USP15: variants seen among roughly 807,000 people sequenced by gnomAD.
The protein encoded by USP15 is ubiquitin specific peptidase 15.
USP15 carries 18 observed loss-of-function variants against 127.1 expected under a neutral mutation model. That is an observed-to-expected ratio of 0.14 (90% confidence interval 0.10 to 0.21). The LOEUF (loss-of-function observed/expected upper bound fraction) is 0.21, where lower values mean the gene tolerates loss of function less well. Ranked by LOEUF, USP15 falls within the 10% of genes least tolerant of loss-of-function variation. The pLI, the probability that USP15 is intolerant of heterozygous loss-of-function variation, is 1.00. For missense variants in USP15, 805 were observed against 1,159.9 expected (o/e 0.69, Z 4.44); for synonymous variants, 364 against 393.7 (o/e 0.92, Z 0.89).
In USP15 at chr12:62,260,863, G is replaced by C. The variant is rs78868069; in HGVS notation, c.89+360G>C. Among the ~76,000 whole-genome samples, 129 of 152,232 alleles carry C rather than the reference G, an allele frequency of 8.5e-4. 2 individuals are homozygous for C. In the East Asian group the frequency reaches 8.9e-3, roughly 10 times the overall value. The stretch of plus-strand genomic sequence containing the variant: ...GAGTCTTATATACGCCGTTTTGACA[G>C]GTCCCGGTGCCGCGGCTTATCACGA... On this transcript the variant is annotated intron_variant, in intron 1 of 21. Coordinates refer to ENST00000280377, the MANE Select transcript of USP15 (RefSeq NM_001252078.2).
At chr12:62,362,436 C>A (rs2066348480) in intron 8 of USP15, among the ~76,000 whole-genome samples, 1 of 152,126 alleles carries the variant, frequency 6.6e-6, no homozygotes, top group African/African-American at 2.4e-5. Context: ...GATATACACA[C>A]TTACTCATTC....
At chr12:62,304,661 C>G (rs369591329) in intron 3 of USP15, 4 of 444,230 alleles carry the variant, frequency 9.0e-6, no homozygotes, top group East Asian at 7.0e-5. Flanking sequence ...CTCTAAAATG[C>G]GTCATTTATA....
At chr12:62,263,390 G>A (rs1221899510) in intron 1 of USP15, among the ~76,000 whole-genome samples, 2 of 152,134 alleles carry the variant, frequency 1.3e-5, no homozygotes, top group Non-Finnish European at 2.9e-5. Context: ...TCATTTACTA[G>A]CTTTTGAGCA....
intron 8 of USP15, among the ~76,000 whole-genome samples, chr12:62,372,056 T>TA (rs1022582093): frequency 1.1e-4 from 16 of 152,118 alleles, no homozygotes; most frequent in Admixed American, 2.0e-4. Context: ...TTCGGTATTT[T>TA]AAAAAAAATT....
At chr12:62,398,004 T>C (rs1396864233) in intron 20 of USP15, among the ~76,000 whole-genome samples, 2 of 151,760 alleles carry the variant, frequency 1.3e-5, no homozygotes, top group African/African-American at 4.8e-5. Context: ...CTATACGTTT[T>C]TTTTTTGAGA....
chr12:62,385,413 AAGAC>A (rs1208768607), intron 11 of USP15, among the ~76,000 whole-genome samples: 1 of 152,118 alleles, frequency 6.6e-6, no homozygotes, highest in East Asian at 1.9e-4. Flanking sequence ...ATTGTCAACA[AAGAC>A]AGGGTATATG....
intron 1 of USP15, chr12:62,278,790 A>G (rs1565811716): frequency 6.6e-6 from 1 of 152,204 alleles, no homozygotes; most frequent in Non-Finnish European, 1.5e-5. Context: ...AAACATGCTT[A>G]GAACACTTAA....
intron 6 of USP15, among the ~76,000 whole-genome samples, chr12:62,346,593 AC>A (rs1377634611): frequency 3.9e-5 from 6 of 151,946 alleles, no homozygotes; most frequent in African/African-American, 7.2e-5. Flanking sequence ...TCTTAACTCC[AC>A]CCCTTATTAA....
chr12:62,286,558 A>G (rs925694466), intron 1 of USP15, among the ~76,000 whole-genome samples: 26 of 152,268 alleles, frequency 1.7e-4, no homozygotes, highest in Non-Finnish European at 2.9e-4. Flanking sequence ...AGACACTTAC[A>G]CTCATATGTT....
chr12:62,355,232 A>G (rs1444851791), intron 7 of USP15, 99 bp from the exon 8 acceptor site: 5 of 1,078,974 alleles, frequency 4.6e-6, no homozygotes, highest in Non-Finnish European at 6.3e-6. Flanking sequence ...AAGAAATGTA[A>G]TGATCAACCA....
In USP15 at chr12:62,275,148, G is replaced by C. The variant is rs114680727; in HGVS notation, c.89+14645G>C. ...CTTGTTAAAGTAATAGTAGAGAATGGGTAAATGGAGAGAGAGAGGATTGAC... is the reference window on the plus strand; with the variant it reads ...CTTGTTAAAGTAATAGTAGAGAATGCGTAAATGGAGAGAGAGAGGATTGAC... On this transcript the variant is annotated intron_variant, in intron 1 of 21. Coordinates refer to ENST00000280377, the MANE Select transcript of USP15 (RefSeq NM_001252078.2). Among the ~76,000 whole-genome samples, 357 of 152,046 alleles carry C rather than the reference G, an allele frequency of 2.3e-3. 2 individuals are homozygous for C. Among genetic ancestry groups the C allele is most frequent in the African/African-American group, 8.2e-3 (342 of 41,492 alleles).
intron 14 of USP15, 135 bp downstream of exon 14, chr12:62,390,123 C>A: frequency 1.0e-6 from 1 of 967,804 alleles, no homozygotes; most frequent in Non-Finnish European, 1.4e-6. Context: ...TGTTCATAGT[C>A]AGATTATAGT....
chr12:62,297,841 A>G (rs2064180554), intron 2 of USP15, among the ~76,000 whole-genome samples: 2 of 152,214 alleles, frequency 1.3e-5, no homozygotes. Context: ...AGAAATAGAG[A>G]TGAATTGCCT....
chr12:62,297,820 A>G (rs2064180233), intron 2 of USP15, among the ~76,000 whole-genome samples: 1 of 152,196 alleles, frequency 6.6e-6, no homozygotes, highest in Non-Finnish European at 1.5e-5. Flanking sequence ...ATCTCCAGAA[A>G]CTGACCCTAA....
At chr12:62,390,509 T>C (rs2067289812) in intron 14 of USP15, among the ~76,000 whole-genome samples, 2 of 152,276 alleles carry the variant, frequency 1.3e-5, no homozygotes, top group South Asian at 4.1e-4. Flanking sequence ...GTATTCTTTC[T>C]TGCATATCTA....
At chr12:62,297,559 G>GA (rs112083123) in intron 2 of USP15, among the ~76,000 whole-genome samples, 3 of 151,670 alleles carry the variant, frequency 2.0e-5, no homozygotes, top group East Asian at 1.9e-4. Flanking sequence ...ATGGGTTTCT[G>GA]AAAAAAAAGG....
chr12:62,401,628 A>G (rs1247823385), intron 21 of USP15, among the ~76,000 whole-genome samples: 1 of 151,946 alleles, frequency 6.6e-6, no homozygotes, highest in African/African-American at 2.4e-5. Context: ...GAGAAAAAAA[A>G]TCCTTGAAGT....
rs1175717703 is a variant in USP15 at position 62,410,926 on chromosome 12, G to A, written c.*6551G>A. 2 of 151,320 alleles carry A rather than the reference G, an allele frequency of 1.3e-5. No individual in the cohort carries two copies. The highest frequency in any genetic ancestry group is 2.4e-5 in the African/African-American group (1 of 41,178). The allele number at this position is 151,320 out of a possible 1,614,324, so 9.4% of individuals were successfully genotyped here. On this transcript the variant is annotated 3_prime_UTR_variant, in exon 22 of 22. Transcript: ENST00000280377. ...GAAGTCTTAGTATGATGGTAAACTTGAAAATTAAAATTTTATCAGGGATAT... is the reference window on the plus strand; with the variant it reads ...GAAGTCTTAGTATGATGGTAAACTTAAAAATTAAAATTTTATCAGGGATAT...
chr12:62,395,060 C>T (rs1360873157), intron 19 of USP15, among the ~76,000 whole-genome samples: 1 of 151,910 alleles, frequency 6.6e-6, no homozygotes, highest in African/African-American at 2.4e-5. Context: ...TTGCCCATTT[C>T]GGGTATATAG....
Sources: allele counts gnomAD v4.1 joint callset (sites outside exome capture counted in the v4.1 genomes callset), GRCh38; gene constraint gnomAD v4.1.1; transcripts MANE v1.5; gene names NCBI Gene and HGNC (gene_info 2026-07-23, HGNC 2026-07-21).